GPR39: variants seen among roughly 807,000 people sequenced by gnomAD.
The protein encoded by GPR39 is G protein-coupled receptor 39.
A neutral mutation model predicts 18.4 loss-of-function variants in GPR39; 23 were observed. The observed-to-expected ratio is 1.25, with a 90% CI of 0.90 to 1.77. The LOEUF is 1.77. Ranked by LOEUF, GPR39 falls within the 40% of genes most tolerant of loss-of-function variation. The pLI is 0.00. For synonymous variants in GPR39, 280 were observed against 257.9 expected, an observed-to-expected ratio of 1.09 and a Z score of -0.82; for missense variants, 647 against 602.4, an observed-to-expected ratio of 1.07 and a Z score of -0.78.
At chr2:132,567,696 C>T (rs1288178955) in intron 1 of GPR39, among the ~76,000 whole-genome samples, 1 of 152,208 alleles carries the variant, frequency 6.6e-6, no homozygotes, top group African/African-American at 2.4e-5. Flanking sequence ...TCTGACCCTG[C>T]AGCAGATGGT....
At chr2:132,619,923 C>A (rs1443735236) in intron 1 of GPR39, among the ~76,000 whole-genome samples, 1 of 152,082 alleles carries the variant, frequency 6.6e-6, no homozygotes, top group African/African-American at 2.4e-5. Context: ...GATTGCCTCC[C>A]AAACCTGCCC....
At chr2:132,637,384 A>G (rs1681780714) in intron 1 of GPR39, among the ~76,000 whole-genome samples, 1 of 152,262 alleles carries the variant, frequency 6.6e-6, no homozygotes, top group African/African-American at 2.4e-5. Flanking sequence ...TCTGGCCTCA[A>G]CGTGGTGGAT....
chr2:132,449,480 C>T lies in GPR39; in HGVS notation c.856+31582C>T, dbSNP rs1680597149. Reference sequence around the variant, plus strand: ...GTCAGGCTAGTCTTGAACTCCTGACCTCGTGATCCGCCTGCCTCAGCCTCC... The same window carrying T: ...GTCAGGCTAGTCTTGAACTCCTGACTTCGTGATCCGCCTGCCTCAGCCTCC... On this transcript the variant is annotated intron_variant, in intron 1 of 1. Coordinates refer to ENST00000329321, the MANE Select transcript of GPR39 (RefSeq NM_001508.3). Among the ~76,000 whole-genome samples the T allele has an allele frequency of 4.6e-5, 7 of 152,246 alleles. No homozygotes were observed. In the South Asian group the frequency reaches 1.2e-3, roughly 27 times the overall value.
intron 1 of GPR39, among the ~76,000 whole-genome samples, chr2:132,457,391 T>C (rs986243668): frequency 3.3e-5 from 5 of 152,216 alleles, no homozygotes; most frequent in Admixed American, 6.5e-5. Flanking sequence ...AATCTTTTTT[T>C]AAGGTTTTTA....
At chr2:132,515,177 C>T (rs1040528037) in intron 1 of GPR39, among the ~76,000 whole-genome samples, 11 of 152,300 alleles carry the variant, frequency 7.2e-5, no homozygotes, top group African/African-American at 1.7e-4. Flanking sequence ...CAGTAGGTGG[C>T]GTTCTGCCAA....
At chr2:132,594,414 T>C (rs1054047652) in intron 1 of GPR39, among the ~76,000 whole-genome samples, 7 of 152,086 alleles carry the variant, frequency 4.6e-5, no homozygotes, top group African/African-American at 1.7e-4. Context: ...GTAAAATTTT[T>C]ATGCAGGGAT....
At chr2:132,605,850 A>G (rs1681127478) in intron 1 of GPR39, among the ~76,000 whole-genome samples, 2 of 152,174 alleles carry the variant, frequency 1.3e-5, no homozygotes, top group African/African-American at 2.4e-5. Flanking sequence ...CTTGAGTGAA[A>G]TTGAATTTTG....
intron 1 of GPR39, among the ~76,000 whole-genome samples, chr2:132,541,409 C>G (rs1465645718): frequency 6.6e-6 from 1 of 152,112 alleles, no homozygotes; most frequent in Admixed American, 6.6e-5. Context: ...TATAACAAGC[C>G]TGAGCCTGGG....
intron 1 of GPR39, among the ~76,000 whole-genome samples, chr2:132,530,313 T>TAA (rs1373356040): frequency 2.0e-5 from 3 of 151,912 alleles, no homozygotes; most frequent in African/African-American, 7.3e-5. Flanking sequence ...GAAAAAAGAA[T>TAA]AAAAAGAAAT....
intron 1 of GPR39, among the ~76,000 whole-genome samples, chr2:132,612,246 T>C (rs1681250601): frequency 6.6e-6 from 1 of 152,196 alleles, no homozygotes; most frequent in Non-Finnish European, 1.5e-5. Context: ...GAGCTTCCCC[T>C]GGACTCATGT....
intron 1 of GPR39, among the ~76,000 whole-genome samples, chr2:132,474,120 G>A (rs1681081941): frequency 1.3e-5 from 1 of 78,750 alleles, no homozygotes; most frequent in African/African-American, 2.9e-5. Flanking sequence ...TTTGGTATTA[G>A]TGTCAGCTCA....
chr2:132,588,161 T>TA (rs1043783003), intron 1 of GPR39, among the ~76,000 whole-genome samples: 2 of 152,034 alleles, frequency 1.3e-5, no homozygotes, highest in Non-Finnish European at 2.9e-5. Flanking sequence ...GTCCTGGAGT[T>TA]AAAAAAGGCA....
At chr2:132,604,588 GAC>G (rs1234324630) in intron 1 of GPR39, 5 of 152,258 alleles carry the variant, frequency 3.3e-5, no homozygotes, top group Non-Finnish European at 4.4e-5. Context: ...TGATGGCAGA[GAC>G]AGACTTTTAA....
At chr2:132,507,047 T>C (rs2104755210) in intron 1 of GPR39, among the ~76,000 whole-genome samples, 1 of 152,198 alleles carries the variant, frequency 6.6e-6, no homozygotes, top group South Asian at 2.1e-4. Context: ...AATTCATGAA[T>C]CCACAAATGG....
At chr2:132,550,144 A>G (rs190576782) in intron 1 of GPR39, among the ~76,000 whole-genome samples, 92 of 152,344 alleles carry the variant, frequency 6.0e-4, no homozygotes, top group Middle Eastern at 3.4e-3. Context: ...GAATATGCAA[A>G]TAGCATAACA....
intron 1 of GPR39, among the ~76,000 whole-genome samples, chr2:132,425,331 T>C (rs1680098900): frequency 6.6e-6 from 1 of 152,180 alleles, no homozygotes; most frequent in African/African-American, 2.4e-5. Flanking sequence ...GACCCTTCAC[T>C]GTTGTACATC....
chr2:132,490,204 T>A (rs1681430132), intron 1 of GPR39, among the ~76,000 whole-genome samples: 4 of 152,062 alleles, frequency 2.6e-5, no homozygotes, highest in Admixed American at 2.0e-4. Flanking sequence ...AGGGGCAGGA[T>A]GCAGCCTATT....
chr2:132,599,830 A>G (rs1573690758), intron 1 of GPR39, among the ~76,000 whole-genome samples: 1 of 151,980 alleles, frequency 6.6e-6, no homozygotes, highest in Admixed American at 6.6e-5. Context: ...AGCTCCTCCA[A>G]CTCTCCTTGA....
intron 1 of GPR39, among the ~76,000 whole-genome samples, chr2:132,421,440 A>G (rs1432548348): frequency 6.9e-6 from 1 of 143,916 alleles, no homozygotes; most frequent in East Asian, 2.0e-4. Context: ...TATAGTTATG[A>G]AAAAAGATTT....
Sources: gnomAD v4.1 joint callset for allele counts (sites outside exome capture counted in the v4.1 genomes callset) on GRCh38, gnomAD v4.1.1 for gene constraint, MANE v1.5 for transcripts, NCBI Gene and HGNC (gene_info 2026-07-23, HGNC 2026-07-21) for gene names.